VPS54: variants seen among roughly 807,000 people sequenced by gnomAD.
VPS54 encodes VPS54 subunit of GARP complex.
In VPS54, 45 loss-of-function variants were observed where a neutral mutation model predicts 121.5. The ratio of observed to expected loss-of-function variants is 0.37; its 90% CI spans 0.29 to 0.47. The LOEUF is 0.47. Among genes scored for constraint, VPS54 ranks in the 20% least tolerant of loss-of-function variants. The pLI is 0.99. For missense variants in VPS54, 1,090 were observed against 1,131.4 expected (o/e 0.96, Z 0.52); for synonymous variants, 371 against 385.8 (o/e 0.96, Z 0.45).
chr2:63,961,937 A>C, intron 7 of VPS54, 121 bp downstream of exon 7: 1 of 1,067,754 alleles, frequency 9.4e-7, no homozygotes, highest in South Asian at 2.5e-5. Flanking sequence ...ACAAATGATC[A>C]ATCTGGAAGA....
rs1672279259 is a variant in VPS54, at chr2:63,892,844, A to C, written c.*586T>G. 1.3e-5 allele frequency: 2 copies of C among 152,778 alleles called. No individual in the cohort carries two copies. Among genetic ancestry groups the C allele is most frequent in the Admixed American group, 6.5e-5 (1 of 15,330 alleles). The allele number at this position is 152,778 out of a possible 1,614,324, so 9.5% of individuals were successfully genotyped here. A position where few individuals can be genotyped will look rare whatever the true frequency, so the allele number is the denominator to read the frequency against. Reference sequence around the variant, plus strand: ...GTGGTAGTAGAAATATTAAATATGCAACACACAAAGCCTGCAACTTGACAT... The same window carrying C: ...GTGGTAGTAGAAATATTAAATATGCCACACACAAAGCCTGCAACTTGACAT... On this transcript the variant is annotated 3_prime_UTR_variant, in exon 23 of 23. Coordinates refer to ENST00000272322, the MANE Select transcript of VPS54 (RefSeq NM_016516.3).
At chr2:63,912,479 A>T in intron 19 of VPS54, 54 bp from the exon 20 acceptor site, 1 of 1,609,692 alleles carries the variant, frequency 6.2e-7, no homozygotes, top group East Asian at 2.2e-5. Flanking sequence ...CATTTTTAAA[A>T]TACTTAACAA....
chr2:64,015,983 T>G (rs1678666285), intron 1 of VPS54, among the ~76,000 whole-genome samples: 1 of 152,196 alleles, frequency 6.6e-6, no homozygotes, highest in Non-Finnish European at 1.5e-5. Context: ...ATCTAAACAA[T>G]TCTAACTTCC....
chr2:64,000,386 T>G (rs1677814822), intron 1 of VPS54, among the ~76,000 whole-genome samples: 1 of 152,252 alleles, frequency 6.6e-6, no homozygotes, highest in Non-Finnish European at 1.5e-5. Flanking sequence ...CCAGAATTAG[T>G]CCCTGGTGCC....
chr2:63,993,301 T>C (rs562215073), intron 1 of VPS54, among the ~76,000 whole-genome samples: 1 of 152,352 alleles, frequency 6.6e-6, no homozygotes, highest in Admixed American at 6.5e-5. Context: ...TAACTTGTTT[T>C]CTATGCTGCG....
intron 1 of VPS54, among the ~76,000 whole-genome samples, chr2:64,013,798 C>G (rs1009241893): frequency 6.6e-6 from 1 of 151,082 alleles, no homozygotes; most frequent in African/African-American, 2.4e-5. Flanking sequence ...CTATTCCACC[C>G]TCAAATTACC....
chr2:63,950,989 C>A lies in VPS54; in HGVS notation c.1011-1826G>T, dbSNP rs1183942931. Among the ~76,000 whole-genome samples, 5 of 152,268 alleles carry A rather than the reference C, an allele frequency of 3.3e-5. No homozygotes were observed. In the South Asian group the frequency reaches 1.0e-3, roughly 32 times the overall value. On this transcript the variant is annotated intron_variant, in intron 7 of 22. Transcript: ENST00000272322. ...CCATCCTTTGCTGGCATTAAGTTCT[C>A]CAGCTTTAGATCCTTCACTTTCCTT... is the stretch of plus-strand genomic sequence containing the variant.
chr2:63,962,156 C>G lies in VPS54; in HGVS notation c.912G>C (p.Gln304His). Residue 304 changes from glutamine (Q) to histidine (H), a missense_variant, in exon 7 of 23, where the codon CAG becomes CAC. Physicochemically the swap from Gln to His is conservative, Grantham distance 24. Around this residue, in one of 2 missense-constraint regions of VPS54, gnomAD observed 801 missense variants for 757.0 expected, o/e 1.06. Coordinates refer to ENST00000272322, the MANE Select transcript of VPS54 (RefSeq NM_016516.3). ...ATVHQTQPTV[Q>H]VLLSTSEFVG... ...CAAATTCAGAAGTAGATAATAACAC[C>G]TGTACTGTAGGCTGAGTCTGGTGTA... 1 of 1,613,638 alleles carries G rather than the reference C, an allele frequency of 6.2e-7. No homozygotes were observed. The highest frequency in any genetic ancestry group is 8.5e-7 in the Non-Finnish European group (1 of 1,179,578).
intron 20 of VPS54, among the ~76,000 whole-genome samples, chr2:63,903,470 T>G (rs181188029): frequency 6.6e-4 from 100 of 151,900 alleles, no homozygotes; most frequent in African/African-American, 2.2e-3. Context: ...AAATTTATCC[T>G]CATTTTTTCA....
In VPS54 at chr2:63,923,525, C is replaced by T. The variant is rs115089853; in HGVS notation, c.1740-2190G>A. On this transcript the variant is annotated intron_variant, in intron 12 of 22. Transcript: ENST00000272322. ...AAGACGTGGAAGCAACCCAAGTGTCCACTAATGGATGAACAGATAAACAAA... is the reference window on the plus strand; with the variant it reads ...AAGACGTGGAAGCAACCCAAGTGTCTACTAATGGATGAACAGATAAACAAA... Among the ~76,000 whole-genome samples the T allele has an allele frequency of 8.1e-3, 1,227 of 152,068 alleles. 27 individuals are homozygous for T. The highest frequency in any genetic ancestry group is 0.029 in the African/African-American group (1,186 of 41,460).
chr2:63,911,815 G>C (rs1341896775), intron 20 of VPS54, among the ~76,000 whole-genome samples: 1 of 152,206 alleles, frequency 6.6e-6, no homozygotes, highest in Non-Finnish European at 1.5e-5. Context: ...ACTAAGACGT[G>C]AATTGAAAAA....
At chr2:63,908,935 C>A (rs12999675) in intron 20 of VPS54, among the ~76,000 whole-genome samples, 26,549 of 152,130 alleles carry the variant, frequency 0.17, 3,078 homozygotes, top group Non-Finnish European at 0.24. Flanking sequence ...CTCCAAAACC[C>A]TGACAATGAA....
intron 1 of VPS54, among the ~76,000 whole-genome samples, chr2:64,013,479 A>T (rs1338795287): frequency 1.3e-5 from 2 of 151,494 alleles, no homozygotes; most frequent in African/African-American, 4.8e-5. Flanking sequence ...AGCTATAAAG[A>T]TTTTTGGGAC....
At chr2:63,905,748 ACC>A (rs1672880042) in intron 20 of VPS54, among the ~76,000 whole-genome samples, 1 of 152,118 alleles carries the variant, frequency 6.6e-6, no homozygotes, top group African/African-American at 2.4e-5. Context: ...AACCCTATAG[ACC>A]AATATCCTTC....
At chr2:63,930,386 C>T (rs1482887387) in intron 12 of VPS54, among the ~76,000 whole-genome samples, 1 of 152,126 alleles carries the variant, frequency 6.6e-6, no homozygotes, top group African/African-American at 2.4e-5. Flanking sequence ...TGTAATCCAT[C>T]ACATAAGCAG....
intron 12 of VPS54, among the ~76,000 whole-genome samples, chr2:63,928,103 A>G (rs1343138226): frequency 6.6e-6 from 1 of 152,238 alleles, no homozygotes; most frequent in Non-Finnish European, 1.5e-5. Context: ...GATACTATCC[A>G]GCAGAACTTC....
chr2:63,958,383 G>A (rs1361140403), intron 7 of VPS54, among the ~76,000 whole-genome samples: 1 of 152,096 alleles, frequency 6.6e-6, no homozygotes, highest in African/African-American at 2.4e-5. Context: ...TGTGATGTTA[G>A]GTTAATAGTA....
intron 22 of VPS54, among the ~76,000 whole-genome samples, chr2:63,894,800 T>G (rs1238276012): frequency 6.6e-6 from 1 of 151,904 alleles, no homozygotes; most frequent in Non-Finnish European, 1.5e-5. Flanking sequence ...AAATGCCTAG[T>G]AGAAAGCAAG....
At chr2:64,011,653 T>C (rs1242870475) in intron 1 of VPS54, among the ~76,000 whole-genome samples, 2 of 152,150 alleles carry the variant, frequency 1.3e-5, no homozygotes, top group Non-Finnish European at 2.9e-5. Flanking sequence ...ATGTAAAAAT[T>C]CCAACAACAA....
Sources: gnomAD v4.1 joint callset for allele counts (sites outside exome capture counted in the v4.1 genomes callset) on GRCh38, gnomAD v4.1.1 for gene constraint, gnomAD v4.1.1 regional missense constraint, MANE v1.5 for transcripts, NCBI Gene and HGNC (gene_info 2026-07-23, HGNC 2026-07-21) for gene names.